The following CACNA2D1 variants were observed in gnomAD, a reference collection of about 807,000 sequenced individuals.
CACNA2D1 encodes voltage-dependent calcium channel subunit alpha-2/delta-1.
A neutral mutation model predicts 171.5 loss-of-function variants in CACNA2D1; 53 were observed. The ratio of observed to expected loss-of-function variants is 0.31; its 90% CI spans 0.25 to 0.39. CACNA2D1 has a LOEUF of 0.39. Ranked by LOEUF, CACNA2D1 falls within the 10% of genes least tolerant of loss-of-function variation. The pLI is 1.00. For missense variants in CACNA2D1, 903 were observed against 1,299.8 expected (o/e 0.69, Z 4.69); for synonymous variants, 442 against 443.1 (o/e 1.00, Z 0.03).
intron 3 of CACNA2D1, among the ~76,000 whole-genome samples, chr7:82,325,437 C>T (rs1816528917): frequency 6.6e-6 from 1 of 152,044 alleles, no homozygotes; most frequent in Non-Finnish European, 1.5e-5. Context: ...AATAATGGTA[C>T]TATGAGAGCC....
chr7:81,962,070 G>T, intron 35 of CACNA2D1, 47 bp from the exon 36 acceptor site: 1 of 1,594,900 alleles, frequency 6.3e-7, no homozygotes, highest in Non-Finnish European at 8.6e-7. Context: ...CCATTAGGAG[G>T]GGTCTCTGTA....
At chr7:82,102,837 A>G (rs968354034) in intron 6 of CACNA2D1, among the ~76,000 whole-genome samples, 7 of 152,182 alleles carry the variant, frequency 4.6e-5, no homozygotes, top group African/African-American at 1.7e-4. Flanking sequence ...GCATAATCCT[A>G]TGTGTTGAAA....
chr7:82,383,168 T>C (rs924939787), intron 1 of CACNA2D1, among the ~76,000 whole-genome samples: 1 of 152,174 alleles, frequency 6.6e-6, no homozygotes, highest in Non-Finnish European at 1.5e-5. Context: ...TCATAAGTCA[T>C]GTTAGGTATC....
intron 7 of CACNA2D1, among the ~76,000 whole-genome samples, chr7:82,084,561 G>A (rs1490704611): frequency 6.6e-6 from 1 of 152,146 alleles, no homozygotes; most frequent in Non-Finnish European, 1.5e-5. Flanking sequence ...CCTGATTCCA[G>A]GTACCAATAG....
At chr7:81,951,710 T>C (rs1398610607) in intron 38 of CACNA2D1, among the ~76,000 whole-genome samples, 1 of 152,130 alleles carries the variant, frequency 6.6e-6, no homozygotes, top group Non-Finnish European at 1.5e-5. Context: ...CCATGTTGTA[T>C]ATATACCACA....
intron 4 of CACNA2D1, among the ~76,000 whole-genome samples, chr7:82,156,189 A>G (rs971863589): frequency 6.6e-6 from 1 of 152,208 alleles, no homozygotes; most frequent in African/African-American, 2.4e-5. Context: ...CCATGTGATT[A>G]ACTTAATTTT....
At chr7:82,412,248 G>A (rs1827751080) in intron 1 of CACNA2D1, among the ~76,000 whole-genome samples, 1 of 147,592 alleles carries the variant, frequency 6.8e-6, no homozygotes, top group Non-Finnish European at 1.5e-5. Context: ...TTACATATTT[G>A]TAACTGTGTT....
chr7:82,438,009 T>C (rs1830232155), intron 1 of CACNA2D1, among the ~76,000 whole-genome samples: 1 of 152,190 alleles, frequency 6.6e-6, no homozygotes, highest in African/African-American at 2.4e-5. Flanking sequence ...TGGTATAGTT[T>C]CTTTCTCACA....
chr7:81,956,553 T>C (rs1011428783), intron 38 of CACNA2D1, among the ~76,000 whole-genome samples: 1 of 152,146 alleles, frequency 6.6e-6, no homozygotes, highest in Non-Finnish European at 1.5e-5. Context: ...AATGTGTATA[T>C]GAAGATATTA....
chr7:82,338,484 T>C (rs1818255579), intron 2 of CACNA2D1, among the ~76,000 whole-genome samples: 1 of 152,192 alleles, frequency 6.6e-6, no homozygotes, highest in South Asian at 2.1e-4. Flanking sequence ...TGCATGCCAC[T>C]GCACCCAGCT....
At chr7:82,115,550 C>T (rs1420527397) in intron 6 of CACNA2D1, among the ~76,000 whole-genome samples, 1 of 151,748 alleles carries the variant, frequency 6.6e-6, no homozygotes, top group Non-Finnish European at 1.5e-5. Context: ...TATATATACA[C>T]ATACAACGTT....
chr7:82,128,654 C>T (rs1486360997), intron 5 of CACNA2D1, among the ~76,000 whole-genome samples: 1 of 152,128 alleles, frequency 6.6e-6, no homozygotes, highest in African/African-American at 2.4e-5. Context: ...AAACATGATC[C>T]TGGTGCTACA....
chr7:82,181,429 C>A (rs922719134), intron 3 of CACNA2D1, among the ~76,000 whole-genome samples: 12 of 152,154 alleles, frequency 7.9e-5, no homozygotes, highest in Admixed American at 4.6e-4. Flanking sequence ...GTGCCCAGAC[C>A]CGCTGGGGCA....
At chr7:82,434,599 C>T (rs1258332069) in intron 1 of CACNA2D1, among the ~76,000 whole-genome samples, 1 of 152,104 alleles carries the variant, frequency 6.6e-6, no homozygotes, top group Non-Finnish European at 1.5e-5. Context: ...TATGTTGTTC[C>T]ACTTTATAAG....
intron 38 of CACNA2D1, among the ~76,000 whole-genome samples, chr7:81,955,377 T>TAACA (rs1470268465): frequency 1.8e-4 from 28 of 152,144 alleles, no homozygotes; most frequent in Admixed American, 1.6e-3. Context: ...AACTGCCAAC[T>TAACA]AACATTTCAG....
At chr7:82,119,670 A>G (rs1271694372) in intron 5 of CACNA2D1, among the ~76,000 whole-genome samples, 1 of 152,200 alleles carries the variant, frequency 6.6e-6, no homozygotes, top group Admixed American at 6.5e-5. Context: ...CTAAATTGCA[A>G]TGGAAATTTA....
At chr7:82,319,654 C>T (rs955701338) in intron 3 of CACNA2D1, among the ~76,000 whole-genome samples, 2 of 152,024 alleles carry the variant, frequency 1.3e-5, no homozygotes, top group Admixed American at 6.6e-5. Context: ...CTCTCTAAAC[C>T]CTCTTGTAGA....
intron 1 of CACNA2D1, among the ~76,000 whole-genome samples, chr7:82,401,634 C>G (rs1259926202): frequency 2.0e-5 from 3 of 151,138 alleles, no homozygotes; most frequent in Non-Finnish European, 4.4e-5. Flanking sequence ...TGCAGCGCAC[C>G]AGCGTGGCAC....
chr7:82,037,898 G>A (rs1562905018), intron 11 of CACNA2D1, among the ~76,000 whole-genome samples, 179 bp downstream of exon 11: 1 of 152,030 alleles, frequency 6.6e-6, no homozygotes, highest in Non-Finnish European at 1.5e-5. Context: ...GATGCCTTTT[G>A]AATTTTAAAT....
Sources: gnomAD v4.1 joint callset for allele counts (sites outside exome capture counted in the v4.1 genomes callset) on GRCh38, gnomAD v4.1.1 for gene constraint, MANE v1.5 for transcripts, NCBI Gene and HGNC (gene_info 2026-07-23, HGNC 2026-07-21) for gene names.